Variants in SHISA9 observed in about 807,000 individuals in gnomAD.
The protein encoded by SHISA9 is shisa family member 9, also known as protein shisa-9.
SHISA9 carries 13 observed loss-of-function variants against 38.0 expected under a neutral mutation model. The observed-to-expected ratio is 0.34, with a 90% CI of 0.22 to 0.54. The LOEUF is 0.54. Ranked by LOEUF, SHISA9 falls within the 20% of genes least tolerant of loss-of-function variation. The pLI, the probability that SHISA9 is intolerant of heterozygous loss-of-function variation, is 0.91. For missense variants in SHISA9, 538 were observed against 575.8 expected, an observed-to-expected ratio of 0.93 and a Z score of 0.67; for synonymous variants, 275 against 242.0, an observed-to-expected ratio of 1.14 and a Z score of -1.27.
At chr16:13,322,339 G>C in the SHISA9 span, among the ~76,000 whole-genome samples, 4 of 152,322 alleles carry the variant, frequency 2.6e-5, no homozygotes, top group East Asian at 7.7e-4. Context: ...GGAGCCAGGA[G>C]GGCCCTGAGT....
chr16:13,262,644 G>GGAAGGAAA, the SHISA9 span, among the ~76,000 whole-genome samples: 1 of 77,698 alleles, frequency 1.3e-5, no homozygotes, highest in Non-Finnish European at 2.8e-5. Context: ...AAGGAAGGAA[G>GGAAGGAAA]GAAGGAAGGA....
At chr16:13,533,028 A>C in the SHISA9 span, among the ~76,000 whole-genome samples, 1 of 152,012 alleles carries the variant, frequency 6.6e-6, no homozygotes, top group Non-Finnish European at 1.5e-5. Flanking sequence ...CAGATCCAAG[A>C]TCTCAAACCT....
rs143179082 is a variant in SHISA9, at chr16:13,141,772, G to A, written c.692-61622G>A. On this transcript the variant is annotated intron_variant, in intron 2 of 4. Transcript: ENST00000558583. Reference sequence around the variant, plus strand: ...GAGCTCTTGTATCCTCCTTGCCCTCGTTTGTCATTTAAGTCTTTCAATTAA... The same window carrying A: ...GAGCTCTTGTATCCTCCTTGCCCTCATTTGTCATTTAAGTCTTTCAATTAA... 4.2e-3 allele frequency among the ~76,000 whole-genome samples: 645 copies of A among 152,210 alleles called. 8 individuals carry two copies. The highest frequency in any genetic ancestry group is 0.015 in the African/African-American group (614 of 41,536).
chr16:13,481,944 T>C, the SHISA9 span, among the ~76,000 whole-genome samples: 2 of 152,222 alleles, frequency 1.3e-5, no homozygotes. Context: ...TCAGGGCCAA[T>C]GTTTTCTGAA....
the SHISA9 span, among the ~76,000 whole-genome samples, chr16:13,271,903 G>A: frequency 2.0e-5 from 3 of 151,986 alleles, no homozygotes; most frequent in Admixed American, 2.0e-4. Context: ...ACAACATGGT[G>A]AAACCCCTCT....
intron 2 of SHISA9, among the ~76,000 whole-genome samples, chr16:13,017,179 C>T (rs1454926622): frequency 6.6e-6 from 1 of 152,038 alleles, no homozygotes; most frequent in African/African-American, 2.4e-5. Context: ...GCCACCATGC[C>T]TGGCTAATTT....
At chr16:13,551,766 T>C in the SHISA9 span, among the ~76,000 whole-genome samples, 2 of 152,146 alleles carry the variant, frequency 1.3e-5, no homozygotes, top group South Asian at 4.1e-4. Context: ...CGGTGGCTCA[T>C]GCCTGTAATC....
intron 4 of SHISA9, among the ~76,000 whole-genome samples, chr16:13,223,229 C>T (rs1471218669): frequency 6.6e-6 from 1 of 152,000 alleles, no homozygotes; most frequent in Non-Finnish European, 1.5e-5. Context: ...GAGTTTGAGA[C>T]AGGCCTGGAC....
the SHISA9 span, among the ~76,000 whole-genome samples, chr16:13,245,552 A>T: frequency 1.3e-5 from 2 of 152,162 alleles, no homozygotes; most frequent in African/African-American, 4.8e-5. Flanking sequence ...TTGTTATGAG[A>T]ATTATTCTTT....
the SHISA9 span, among the ~76,000 whole-genome samples, chr16:13,492,998 A>C: frequency 4.6e-5 from 7 of 152,284 alleles, no homozygotes; most frequent in African/African-American, 1.7e-4. Flanking sequence ...AGAAAGGGCC[A>C]GCTCCTGCTG....
At chr16:12,947,922 A>C (rs540068778) in intron 2 of SHISA9, among the ~76,000 whole-genome samples, 19 of 152,318 alleles carry the variant, frequency 1.2e-4, no homozygotes. Flanking sequence ...ACCTGGGGCC[A>C]CCTGAATCGA....
At chr16:13,538,210 C>G in the SHISA9 span, among the ~76,000 whole-genome samples, 245 of 152,236 alleles carry the variant, frequency 1.6e-3, 1 homozygote, top group African/African-American at 5.6e-3. Flanking sequence ...GCTGTCCCCT[C>G]TCATGATCCC....
At chr16:13,111,082 A>T (rs2073973590) in intron 2 of SHISA9, among the ~76,000 whole-genome samples, 1 of 152,242 alleles carries the variant, frequency 6.6e-6, no homozygotes, top group African/African-American at 2.4e-5. Context: ...ACCGAAAGCC[A>T]TAAAAACCCT....
chr16:13,131,510 G>A (rs915932291), intron 2 of SHISA9, among the ~76,000 whole-genome samples: 4 of 152,082 alleles, frequency 2.6e-5, no homozygotes, highest in Admixed American at 6.6e-5. Flanking sequence ...ATAGCTAATG[G>A]ATGCTGGGGT....
intron 4 of SHISA9, among the ~76,000 whole-genome samples, chr16:13,227,579 A>G (rs2051291953): frequency 6.6e-6 from 1 of 152,144 alleles, no homozygotes; most frequent in East Asian, 1.9e-4. Flanking sequence ...TCTGTCCGGG[A>G]GGTAACTGGA....
At chr16:13,284,805 C>T in the SHISA9 span, among the ~76,000 whole-genome samples, 224 of 152,178 alleles carry the variant, frequency 1.5e-3, 1 homozygote, top group Admixed American at 3.0e-3. Flanking sequence ...CACCATGTTG[C>T]GCATGCTGGA....
intron 2 of SHISA9, among the ~76,000 whole-genome samples, chr16:13,106,332 T>C (rs1182378297): frequency 6.6e-6 from 1 of 152,162 alleles, no homozygotes; most frequent in Non-Finnish European, 1.5e-5. Flanking sequence ...AGTAGCAAAT[T>C]TGGTGCAAGT....
intron 2 of SHISA9, among the ~76,000 whole-genome samples, chr16:13,138,085 A>C (rs1038859734): frequency 1.4e-4 from 22 of 152,166 alleles, no homozygotes; most frequent in African/African-American, 5.1e-4. Flanking sequence ...GCATTTATGC[A>C]CACCCAAAAG....
At chr16:13,541,256 CTCCAGAA>C in the SHISA9 span, among the ~76,000 whole-genome samples, 1 of 152,038 alleles carries the variant, frequency 6.6e-6, no homozygotes, top group Non-Finnish European at 1.5e-5. Context: ...ACAGTAGTGG[CTCCAGAA>C]TCCAAGCAAA....
Sources: allele counts gnomAD v4.1 joint callset (sites outside exome capture counted in the v4.1 genomes callset), GRCh38; gene constraint gnomAD v4.1.1; transcripts MANE v1.5; gene names NCBI Gene and HGNC (gene_info 2026-07-23, HGNC 2026-07-21).